The following MS4A5 variants were observed in gnomAD, a reference collection of about 807,000 sequenced individuals.
The protein encoded by MS4A5 is membrane spanning 4-domains A5.
Under a neutral mutation model 18.2 loss-of-function variants are expected in MS4A5, and 15 were observed. The ratio of observed to expected loss-of-function variants is 0.83; its 90% CI spans 0.55 to 1.27. MS4A5 has a LOEUF of 1.27. MS4A5 is among the 50% of genes most tolerant of loss of function. The pLI is 0.00. For missense variants in MS4A5, 232 were observed against 225.7 expected, an observed-to-expected ratio of 1.03 and a Z score of -0.18; for synonymous variants, 89 against 78.7, an observed-to-expected ratio of 1.13 and a Z score of -0.69.
chr11:60,444,173 G>A (rs2135180096), intron 4 of MS4A5, among the ~76,000 whole-genome samples: 1 of 152,042 alleles, frequency 6.6e-6, no homozygotes, highest in East Asian at 1.9e-4. Flanking sequence ...AAAATTACGG[G>A]TAACTCTATC....
chr11:60,435,746 C>G (rs919000128), intron 4 of MS4A5, among the ~76,000 whole-genome samples: 1 of 152,100 alleles, frequency 6.6e-6, no homozygotes, highest in African/African-American at 2.4e-5. Context: ...CGGCGCACCA[C>G]GAGATTATAT....
chr11:60,429,704 G>A lies in MS4A5; in HGVS notation c.30G>A (p.Val10=), dbSNP rs532202477. Residue 10 remains valine, a synonymous_variant, in exon 1 of 5, where the codon GTG becomes GTA. Coordinates refer to ENST00000300190, the MANE Select transcript of MS4A5 (RefSeq NM_023945.3). ...ATTCAAGCACCGCACACAGTCCGGT[G>A]TTTCTGGTATTTCCTCCAGAAATCA... is the stretch of plus-strand genomic sequence containing the variant. The part of the protein sequence containing the change: MDSSTAHSP[V]FLVFPPEITA... 5.9e-5 allele frequency: 96 copies of A among 1,613,776 alleles called. No individual in the cohort carries two copies. In the African/African-American group the frequency reaches 8.1e-4, roughly 14 times the overall value.
intron 3 of MS4A5, among the ~76,000 whole-genome samples, chr11:60,433,385 G>A (rs2086061738): frequency 6.6e-6 from 1 of 152,186 alleles, no homozygotes; most frequent in East Asian, 1.9e-4. Flanking sequence ...ATTTTAGGGA[G>A]AAATTAAAAA....
At chr11:60,442,486 G>T (rs1257349760) in intron 4 of MS4A5, among the ~76,000 whole-genome samples, 1 of 152,130 alleles carries the variant, frequency 6.6e-6, no homozygotes, top group Non-Finnish European at 1.5e-5. Context: ...ACCAAGGCCT[G>T]TTGGGGGGTA....
rs1184014665 is a variant in MS4A5 at position 60,436,963 on chromosome 11, A to G, written c.492+3046A>G. ...CTCGAGAAAAGCAACTCCAAGACACATAATTGTGAGATTCACCAAAGTGGA... is the reference window on the plus strand; with the variant it reads ...CTCGAGAAAAGCAACTCCAAGACACGTAATTGTGAGATTCACCAAAGTGGA... On this transcript the variant is annotated intron_variant, in intron 4 of 4. Coordinates refer to ENST00000300190, the MANE Select transcript of MS4A5 (RefSeq NM_023945.3). Among the ~76,000 whole-genome samples, 2 of 133,270 alleles carry G rather than the reference A, an allele frequency of 1.5e-5. 1 individual carries two copies. 87.4% of individuals were successfully genotyped at this position (133,270 alleles called of 152,430 possible).
At chr11:60,442,167 TAC>T (rs1311574826) in intron 4 of MS4A5, among the ~76,000 whole-genome samples, 2 of 152,164 alleles carry the variant, frequency 1.3e-5, no homozygotes, top group Non-Finnish European at 2.9e-5. Flanking sequence ...ACAATTATAA[TAC>T]TGTCAACTGA....
intron 4 of MS4A5, chr11:60,435,525 T>G (rs941379398): frequency 5.0e-5 from 19 of 381,880 alleles, no homozygotes. Flanking sequence ...GGTACCCGGT[T>G]CATCTCACTA....
At chr11:60,445,198 C>A (rs972142508) in intron 4 of MS4A5, among the ~76,000 whole-genome samples, 1 of 151,898 alleles carries the variant, frequency 6.6e-6, no homozygotes, top group East Asian at 1.9e-4. Context: ...CACAAGAGAA[C>A]CTACTGGGGT....
intron 4 of MS4A5, among the ~76,000 whole-genome samples, chr11:60,442,919 T>A (rs1349486068): frequency 6.6e-6 from 1 of 152,170 alleles, no homozygotes; most frequent in Admixed American, 6.5e-5. Flanking sequence ...GGTGGGCAGA[T>A]CACTTGAGGT....
intron 1 of MS4A5, among the ~76,000 whole-genome samples, chr11:60,430,260 A>G (rs200752218): frequency 5.0e-5 from 1 of 19,832 alleles, no homozygotes; most frequent in East Asian, 6.1e-4. Context: ...GAGGGAGAGA[A>G]AAAAAAAAAA....
chr11:60,433,923 T>C lies in MS4A5; in HGVS notation c.492+6T>C, dbSNP rs780234166. ...CTGTTACTGTCCTGTTCTTGGTAAG[T>C]ATGTTGCATTTATAGAGTGATGAGT... On this transcript the variant is annotated splice_donor_region_variant and intron_variant, in intron 4 of 4. Coordinates refer to ENST00000300190, the MANE Select transcript of MS4A5 (RefSeq NM_023945.3). The C allele has an allele frequency of 1.2e-6, 2 of 1,613,296 alleles. No homozygotes were observed. Among genetic ancestry groups the C allele is most frequent in the Non-Finnish European group, 1.7e-6 (2 of 1,179,390 alleles).
chr11:60,431,575 G>A (rs1489434596), intron 2 of MS4A5, among the ~76,000 whole-genome samples: 1 of 152,136 alleles, frequency 6.6e-6, no homozygotes, highest in African/African-American at 2.4e-5. Flanking sequence ...TGATGAGGGA[G>A]AATAAACACA....
intron 4 of MS4A5, among the ~76,000 whole-genome samples, chr11:60,434,561 G>C (rs761246736): frequency 9.2e-5 from 14 of 152,302 alleles, no homozygotes; most frequent in Non-Finnish European, 1.6e-4. Flanking sequence ...CAGGACTAAA[G>C]AGCAGAAAAT....
chr11:60,437,737 T>C (rs1304081804), intron 4 of MS4A5, among the ~76,000 whole-genome samples: 2 of 151,576 alleles, frequency 1.3e-5, no homozygotes, highest in Admixed American at 6.6e-5. Context: ...CCTGAATATA[T>C]ATGCACCCAA....
chr11:60,430,978 G>A (rs1428726084), intron 2 of MS4A5, 54 bp downstream of exon 2: 21 of 1,569,142 alleles, frequency 1.3e-5, no homozygotes, highest in African/African-American at 4.1e-5. Context: ...GGATGTTAGG[G>A]AATTCTTCAC....
intron 4 of MS4A5, among the ~76,000 whole-genome samples, chr11:60,434,518 C>T (rs2086068344): frequency 6.6e-6 from 1 of 152,048 alleles, no homozygotes; most frequent in Admixed American, 6.5e-5. Context: ...CTAAGAAATA[C>T]TTAATATTTG....
intron 4 of MS4A5, among the ~76,000 whole-genome samples, chr11:60,436,537 G>T (rs561977323): frequency 9.6e-5 from 13 of 134,930 alleles, no homozygotes; most frequent in African/African-American, 3.3e-4. Context: ...AAATTTAGAA[G>T]AATGTATAAC....
At chr11:60,436,388 G>A (rs1263341105) in intron 4 of MS4A5, among the ~76,000 whole-genome samples, 2 of 138,998 alleles carry the variant, frequency 1.4e-5, no homozygotes, top group Middle Eastern at 3.2e-3. Flanking sequence ...CCAAAGGAAT[G>A]CAGTTCCTCA....
At chr11:60,444,530 C>T (rs2086129590) in intron 4 of MS4A5, among the ~76,000 whole-genome samples, 1 of 152,122 alleles carries the variant, frequency 6.6e-6, no homozygotes, top group Non-Finnish European at 1.5e-5. Flanking sequence ...CTCTCTCTCA[C>T]AAAAGACCCA....
Sources: allele counts gnomAD v4.1 joint callset (sites outside exome capture counted in the v4.1 genomes callset), GRCh38; gene constraint gnomAD v4.1.1; transcripts MANE v1.5; gene names NCBI Gene and HGNC (gene_info 2026-07-23, HGNC 2026-07-21).